ZNF138: variants seen among roughly 807,000 people sequenced by gnomAD.
ZNF138 encodes zinc finger protein 138, also known as zinc finger protein 138 (clone pHZ-32).
Under a neutral mutation model 33.0 loss-of-function variants are expected in ZNF138, and 33 were observed. The ratio of observed to expected loss-of-function variants is 1.00; its 90% CI spans 0.76 to 1.34. The LOEUF is 1.34. Among genes scored for constraint, ZNF138 ranks in the 40% most tolerant of loss-of-function variants. The probability of loss-of-function intolerance (pLI) is 0.00; values close to 1 mark genes in which losing one functional copy is unlikely to be tolerated. For missense variants in ZNF138, 360 were observed against 370.8 expected (o/e 0.97, Z 0.24); for synonymous variants, 139 against 120.4 (o/e 1.15, Z -1.01).
chr7:64,814,776 T>C, intron 1 of ZNF138, 142 bp from the exon 2 acceptor site: 1 of 1,094,348 alleles, frequency 9.1e-7, no homozygotes, highest in Non-Finnish European at 1.3e-6. Flanking sequence ...AAAAAAAAAT[T>C]ATTTTATGAA....
intron 3 of ZNF138, among the ~76,000 whole-genome samples, chr7:64,817,153 G>C (rs1311655202): frequency 1.3e-5 from 2 of 151,318 alleles, no homozygotes; most frequent in Non-Finnish European, 2.9e-5. Flanking sequence ...GGCAGAACTG[G>C]CCATGAACTG....
intron 1 of ZNF138, among the ~76,000 whole-genome samples, chr7:64,810,759 G>C (rs551284434): frequency 6.6e-6 from 1 of 152,238 alleles, no homozygotes; most frequent in East Asian, 1.9e-4. Flanking sequence ...GTTTTTGGAG[G>C]CCTTATTTAG....
At chr7:64,828,390 C>T (rs1789817005) in intron 3 of ZNF138, among the ~76,000 whole-genome samples, 1 of 151,976 alleles carries the variant, frequency 6.6e-6, no homozygotes, top group Non-Finnish European at 1.5e-5. Flanking sequence ...ATTTTGTTTC[C>T]TGATTCTAAG....
In ZNF138 at chr7:64,833,044, C is replaced by T; in HGVS notation, c.*842C>T. ...GGCAAAGCTTTTAACCAAGTCTCAACACTTACTATACATAAGATAATTTAT... is the reference window on the plus strand; with the variant it reads ...GGCAAAGCTTTTAACCAAGTCTCAATACTTACTATACATAAGATAATTTAT... On this transcript the variant is annotated 3_prime_UTR_variant, in exon 4 of 4. Coordinates refer to ENST00000307355, the MANE Select transcript of ZNF138 (RefSeq NM_001271639.2). 1 of 401,764 alleles carries T rather than the reference C, an allele frequency of 2.5e-6. No homozygotes were observed. Among genetic ancestry groups the T allele is most frequent in the Admixed American group, 3.0e-5 (1 of 33,312 alleles). The allele number at this position is 401,764 out of a possible 1,614,324, so 24.9% of individuals were successfully genotyped here.
In ZNF138 at chr7:64,832,634, A is replaced by T; in HGVS notation, c.*432A>T. ...TTAACCAGTCCTCACACCTTATGAG[A>T]CATAAGAAAATTCATAGTAAAGAGA... On this transcript the variant is annotated 3_prime_UTR_variant, in exon 4 of 4. Transcript: ENST00000307355. The T allele has an allele frequency of 2.1e-6, 1 of 467,312 alleles. No individual in the cohort carries two copies. The highest frequency in any genetic ancestry group is 4.2e-6 in the Non-Finnish European group (1 of 239,154). The allele number at this position is 467,312 out of a possible 1,614,324, so 28.9% of individuals were successfully genotyped here. A position where few individuals can be genotyped will look rare whatever the true frequency, so the allele number is the denominator to read the frequency against.
the ZNF138 span, among the ~76,000 whole-genome samples, chr7:64,846,605 A>G: frequency 3.3e-5 from 5 of 152,254 alleles, no homozygotes; most frequent in African/African-American, 1.2e-4. Context: ...ATTTGTGCAC[A>G]TTGATTTTGT....
the ZNF138 span, among the ~76,000 whole-genome samples, chr7:64,847,707 T>C: frequency 6.6e-6 from 1 of 151,948 alleles, no homozygotes; most frequent in Admixed American, 6.6e-5. Flanking sequence ...GCATGGAATG[T>C]TTTTTTTCCA....
chr7:64,828,244 T>C (rs1019609294), intron 3 of ZNF138, among the ~76,000 whole-genome samples: 15 of 152,132 alleles, frequency 9.9e-5, no homozygotes, highest in Non-Finnish European at 1.9e-4. Context: ...TACAATCAAG[T>C]ATTTTTAAAT....
the ZNF138 span, chr7:64,853,329 G>A: frequency 1.1e-5 from 18 of 1,600,254 alleles, no homozygotes; most frequent in African/African-American, 5.4e-5. Context: ...GTAACTTTCC[G>A]GGTTAAAGGA....
Position 64,831,475 on chromosome 7 carries a change from A to G in ZNF138, c.233A>G (p.Asp78Gly). ...GCTCTGTGTTCTCGTTTTGCCCAAG[A>G]CCTTTGGCTAGAGCAGAACATAAAA... ...HSALCSRFAQ[D>G]LWLEQNIKDS... is the part of the protein sequence containing the mutation. The change falls in exon 4 of 4, where the codon GAC becomes GGC. Residue 78 changes from aspartate to glycine, a missense_variant. Transcript: ENST00000307355. 6.4e-7 allele frequency: 1 copy of G among 1,567,630 alleles called. No homozygotes were observed. The highest frequency in any genetic ancestry group is 1.2e-5 in the South Asian group (1 of 82,292).
the ZNF138 span, among the ~76,000 whole-genome samples, chr7:64,851,424 G>A: frequency 5.9e-5 from 9 of 152,086 alleles, no homozygotes; most frequent in Non-Finnish European, 1.3e-4. Context: ...CACAAAAAGC[G>A]TGCACAAAAA....
intron 1 of ZNF138, among the ~76,000 whole-genome samples, chr7:64,805,179 A>T (rs1019227007): frequency 2.6e-5 from 4 of 152,058 alleles, no homozygotes; most frequent in Non-Finnish European, 5.9e-5. Flanking sequence ...TGGGTGGATC[A>T]CGAGGTCAGG....
At chr7:64,811,779 C>T (rs1048033091) in intron 1 of ZNF138, among the ~76,000 whole-genome samples, 2 of 152,210 alleles carry the variant, frequency 1.3e-5, no homozygotes, top group African/African-American at 4.8e-5. Context: ...GCTGTGTCTG[C>T]TTTCTCTAAC....
chr7:64,814,897 T>G lies in ZNF138; in HGVS notation c.4-21T>G, dbSNP rs766259850. 1.1e-4 allele frequency: 177 copies of G among 1,608,360 alleles called. No homozygotes were observed. Among genetic ancestry groups the G allele is most frequent in the Middle Eastern group, 6.6e-4 (4 of 6,056 alleles). On this transcript the variant is annotated intron_variant, in intron 1 of 3. Coordinates refer to ENST00000307355, the MANE Select transcript of ZNF138 (RefSeq NM_001271639.2). Reference sequence around the variant, plus strand: ...CTACTTGGTTAATGTGTGTGTGTGTTTGTGTGTGCGTGTTTTTCAGGGACC... The same window carrying G: ...CTACTTGGTTAATGTGTGTGTGTGTGTGTGTGTGCGTGTTTTTCAGGGACC...
intron 3 of ZNF138, among the ~76,000 whole-genome samples, chr7:64,822,934 G>A (rs751669398): frequency 1.3e-5 from 2 of 151,992 alleles, no homozygotes; most frequent in African/African-American, 2.4e-5. Context: ...AGGCTAGAGT[G>A]TAATGGCACG....
the ZNF138 span, among the ~76,000 whole-genome samples, chr7:64,841,825 G>A: frequency 2.0e-5 from 3 of 152,152 alleles, no homozygotes; most frequent in Non-Finnish European, 4.4e-5. Flanking sequence ...TAGAGAGTTT[G>A]CTTATCAATA....
At chr7:64,846,492 A>G in the ZNF138 span, among the ~76,000 whole-genome samples, 5 of 152,136 alleles carry the variant, frequency 3.3e-5, no homozygotes, top group African/African-American at 9.7e-5. Flanking sequence ...GTGGTTAGGT[A>G]TATTCCCAAG....
chr7:64,854,058 C>T, the ZNF138 span, among the ~76,000 whole-genome samples: 1 of 151,776 alleles, frequency 6.6e-6, no homozygotes, highest in East Asian at 1.9e-4. Flanking sequence ...TAATTATTTT[C>T]ACACTCACTT....
At position 64,815,008 on chromosome 7, in the gene ZNF138, G is replaced by C. The variant is rs760938956; in HGVS notation, c.94G>C (p.Val32Leu). 3.7e-5 allele frequency: 59 copies of C among 1,611,476 alleles called. No homozygotes were observed. In the Middle Eastern group the frequency reaches 6.6e-4, roughly 18 times the overall value. ...TGCACAGCGGAATGTATATAGGCAT[G>C]TGATGTTAGAGAACTACAGAAACCT... is the stretch of plus-strand genomic sequence containing the variant. ...DTAQRNVYRH[V>L]MLENYRNLVF... Residue 32 changes from valine (V) to leucine (L), a missense_variant, in exon 2 of 4, where the codon GTG becomes CTG. Val to Leu is a conservative substitution (Grantham distance 32). Transcript: ENST00000307355.
Sources: gnomAD v4.1 joint callset for allele counts (sites outside exome capture counted in the v4.1 genomes callset) on GRCh38, gnomAD v4.1.1 for gene constraint, MANE v1.5 for transcripts, NCBI Gene and HGNC (gene_info 2026-07-23, HGNC 2026-07-21) for gene names.